The following USP3 variants were observed in gnomAD, a reference collection of about 807,000 sequenced individuals.
USP3 encodes the protein ubiquitin specific peptidase 3.
USP3 carries 20 observed loss-of-function variants against 72.3 expected under a neutral mutation model. The observed-to-expected ratio is 0.28, with a 90% CI of 0.19 to 0.40. The LOEUF (loss-of-function observed/expected upper bound fraction) is 0.40, where lower values mean the gene tolerates loss of function less well. Ranked by LOEUF, USP3 falls within the 10% of genes least tolerant of loss-of-function variation. The probability of loss-of-function intolerance (pLI) is 1.00; values close to 1 mark genes in which losing one functional copy is unlikely to be tolerated. For missense variants in USP3, 479 were observed against 633.9 expected (o/e 0.76, Z 2.62); for synonymous variants, 222 against 225.3 (o/e 0.99, Z 0.13).
In USP3 at chr15:63,528,224, G is replaced by A. The variant is rs900779757; in HGVS notation, c.92-4423G>A. The A allele has an allele frequency of 3.3e-5, 5 of 152,354 alleles. No individual in the cohort carries two copies. Among genetic ancestry groups the A allele is most frequent in the Admixed American group, 2.6e-4 (4 of 15,300 alleles). 9.4% of individuals were successfully genotyped at this position (152,354 alleles called of 1,614,324 possible). A position where few individuals can be genotyped will look rare whatever the true frequency, so the allele number is the denominator to read the frequency against. On this transcript the variant is annotated intron_variant, in intron 1 of 14. Coordinates refer to ENST00000380324, the MANE Select transcript of USP3 (RefSeq NM_006537.4). This position sits in a 1 kb window ranked among gnomAD's most constrained non-coding sequence, Gnocchi z 4.3. ...AAGTAAACCGAAGAAATTTGCTGGA[G>A]GACGGGGTATCTTGGTTTGAGGAAA...
chr15:63,565,218 A>G (rs1223700188), intron 8 of USP3, among the ~76,000 whole-genome samples: 1 of 152,164 alleles, frequency 6.6e-6, no homozygotes, highest in Non-Finnish European at 1.5e-5. Flanking sequence ...ATATATACAT[A>G]CACACACCCC....
chr15:63,537,066 A>G lies in USP3; in HGVS notation c.194A>G (p.Gln65Arg). 6.2e-7 allele frequency: 1 copy of G among 1,614,120 alleles called. No individual in the cohort carries two copies. Among genetic ancestry groups the G allele is most frequent in the Non-Finnish European group, 8.5e-7 (1 of 1,179,988 alleles). ...GCAAAAAAACATTATGAAGATGCAC[A>G]AGTACCTTTAACCAACCATAAGAAA... is the stretch of plus-strand genomic sequence containing the variant. ...GHAKKHYEDAQVPLTNHKKSE... is the reference protein window; with the variant it reads ...GHAKKHYEDARVPLTNHKKSE... Residue 65 changes from glutamine (Q) to arginine (R), a missense_variant, in exon 3 of 15, where the codon CAA (glutamine) becomes CGA (arginine). Gln to Arg is a conservative substitution (Grantham distance 43). Transcript: ENST00000380324.
intron 8 of USP3, 123 bp downstream of exon 8, chr15:63,563,131 T>C (rs1289103394): frequency 1.5e-6 from 1 of 657,242 alleles, no homozygotes; most frequent in Non-Finnish European, 2.3e-6. Context: ...TTTGGTGTTT[T>C]TTTCTTTTTA....
At chr15:63,577,921 C>T (rs1369848337) in intron 11 of USP3, among the ~76,000 whole-genome samples, 1 of 107,312 alleles carries the variant, frequency 9.3e-6, no homozygotes, top group Non-Finnish European at 2.0e-5. Flanking sequence ...AGAGTGAGAC[C>T]CTGCCTCAAA....
chr15:63,583,361 C>G (rs922671840), intron 11 of USP3, among the ~76,000 whole-genome samples: 3 of 152,132 alleles, frequency 2.0e-5, no homozygotes, highest in Non-Finnish European at 4.4e-5. Context: ...CCTGTAATCT[C>G]AGCTACTGGG....
At chr15:63,506,808 C>T (rs1244212788) in intron 1 of USP3, among the ~76,000 whole-genome samples, 2 of 152,234 alleles carry the variant, frequency 1.3e-5, no homozygotes, top group Non-Finnish European at 2.9e-5. Flanking sequence ...TATAGCTTTG[C>T]AAGCCTGGGT....
intron 9 of USP3, among the ~76,000 whole-genome samples, chr15:63,572,426 C>G (rs148716587): frequency 1.8e-3 from 262 of 148,624 alleles, no homozygotes; most frequent in African/African-American, 6.3e-3. Context: ...AGATATTAAA[C>G]CTAAAGCTGA....
intron 11 of USP3, among the ~76,000 whole-genome samples, chr15:63,582,583 T>C (rs1426385541): frequency 6.6e-6 from 1 of 152,190 alleles, no homozygotes; most frequent in African/African-American, 2.4e-5. Flanking sequence ...TGGTATCTCA[T>C]GTGGTCTTAG....
intron 1 of USP3, among the ~76,000 whole-genome samples, chr15:63,518,227 T>C (rs533116446): frequency 6.6e-6 from 1 of 152,338 alleles, no homozygotes; most frequent in African/African-American, 2.4e-5. Flanking sequence ...GAACAAAATA[T>C]TGTTGCTGTT....
At chr15:63,539,787 C>T (rs545642337) in intron 3 of USP3, among the ~76,000 whole-genome samples, 44 of 152,310 alleles carry the variant, frequency 2.9e-4, no homozygotes, top group African/African-American at 8.9e-4. Context: ...GTCACATTGT[C>T]GGCTCACTTG....
intron 1 of USP3, among the ~76,000 whole-genome samples, chr15:63,521,753 T>A (rs1271587850): frequency 1.3e-5 from 2 of 152,204 alleles, no homozygotes; most frequent in Non-Finnish European, 2.9e-5. Context: ...GGTTCCTTCA[T>A]GTTGAACTGT....
chr15:63,549,907 CCAA>C (rs1176638239), intron 3 of USP3, among the ~76,000 whole-genome samples: 1 of 152,208 alleles, frequency 6.6e-6, no homozygotes, highest in African/African-American at 2.4e-5. Context: ...ACTCAAGCAA[CCAA>C]CATTAGCTAA....
intron 1 of USP3, among the ~76,000 whole-genome samples, chr15:63,523,631 T>G (rs2065945528): frequency 6.6e-6 from 1 of 152,204 alleles, no homozygotes. Flanking sequence ...TGCCCCTTCC[T>G]TTTTAGGTCA....
chr15:63,581,691 G>A (rs112650246), intron 11 of USP3, among the ~76,000 whole-genome samples: 2 of 149,672 alleles, frequency 1.3e-5, no homozygotes, highest in South Asian at 2.1e-4. Flanking sequence ...CACTGTGCCC[G>A]GCCCATATGT....
At chr15:63,552,830 G>A (rs2066455711) in intron 3 of USP3, among the ~76,000 whole-genome samples, 1 of 152,182 alleles carries the variant, frequency 6.6e-6, no homozygotes, top group Non-Finnish European at 1.5e-5. Flanking sequence ...TGCTTTCAAA[G>A]TTTTGTTTGC....
chr15:63,565,480 A>T (rs2152675503), intron 8 of USP3, among the ~76,000 whole-genome samples: 1 of 152,362 alleles, frequency 6.6e-6, no homozygotes, highest in Admixed American at 6.5e-5. Context: ...ATAGGCAAAA[A>T]CATATGTGGT....
At position 63,512,020 on chromosome 15, in the gene USP3, G is replaced by T. The variant is rs183360465; in HGVS notation, c.91+7190G>T. Among the ~76,000 whole-genome samples, 102 of 140,420 alleles carry T rather than the reference G, an allele frequency of 7.3e-4. No homozygotes were observed. The South Asian group carries it at 9.1e-3, about 13-fold the overall frequency. The allele number at this position is 140,420 out of a possible 152,430, so 92.1% of individuals were successfully genotyped here. A position where few individuals can be genotyped will look rare whatever the true frequency, so the allele number is the denominator to read the frequency against. On this transcript the variant is annotated intron_variant, in intron 1 of 14. Transcript: ENST00000380324. Reference sequence around the variant, plus strand: ...TCCCCAGGCTGGAGTGTGATGGCACGATCTTGTCTCACTGCAACCTCCGCC... The same window carrying T: ...TCCCCAGGCTGGAGTGTGATGGCACTATCTTGTCTCACTGCAACCTCCGCC...
chr15:63,540,945 A>G (rs74018110), intron 3 of USP3, among the ~76,000 whole-genome samples: 1 of 152,194 alleles, frequency 6.6e-6, no homozygotes, highest in Non-Finnish European at 1.5e-5. Flanking sequence ...CCCTTAACCA[A>G]TACAAATGGA....
intron 11 of USP3, among the ~76,000 whole-genome samples, chr15:63,586,393 CTG>C (rs1258634056): frequency 1.3e-5 from 2 of 152,134 alleles, no homozygotes; most frequent in Non-Finnish European, 2.9e-5. Flanking sequence ...GTGGAAAATT[CTG>C]TGTTTCCTTT....
Sources: gnomAD v4.1 joint callset for allele counts (sites outside exome capture counted in the v4.1 genomes callset) on GRCh38, gnomAD v4.1.1 for gene constraint, Gnocchi (gnomAD v3.1) non-coding constraint, MANE v1.5 for transcripts, NCBI Gene and HGNC (gene_info 2026-07-23, HGNC 2026-07-21) for gene names.